MNS1: variants seen among roughly 807,000 people sequenced by gnomAD.
MNS1 encodes meiosis specific nuclear structural 1, also known as meiosis-specific nuclear structural protein 1.
A neutral mutation model predicts 72.0 loss-of-function variants in MNS1; 63 were observed. The observed-to-expected ratio is 0.87, with a 90% CI of 0.71 to 1.08. The LOEUF is 1.08. MNS1 is among the 50% of genes least tolerant of loss of function. The probability of loss-of-function intolerance (pLI) is 0.00; values close to 1 mark genes in which losing one functional copy is unlikely to be tolerated. For missense variants in MNS1, 604 were observed against 562.4 expected (o/e 1.07, Z -0.75); for synonymous variants, 188 against 172.1 (o/e 1.09, Z -0.72).
rs570076357 is a variant in MNS1, at chr15:56,433,169, C to G, written c.1269+969G>C. On this transcript the variant is annotated intron_variant, in intron 8 of 9. Transcript: ENST00000260453. The stretch of plus-strand genomic sequence containing the variant: ...CTATTTCTTTTCCTCTATACTCTTT[C>G]CTTAGGATGTCACCCAGTCACCCAT... Among the ~76,000 whole-genome samples, 4 of 150,772 alleles carry G rather than the reference C, an allele frequency of 2.7e-5. No homozygotes were observed. The South Asian group carries it at 6.4e-4, about 24-fold the overall frequency.
chr15:56,436,161 C>T (rs553108383), intron 7 of MNS1, among the ~76,000 whole-genome samples: 1 of 152,136 alleles, frequency 6.6e-6, no homozygotes, highest in African/African-American at 2.4e-5. Flanking sequence ...ACATTCTTCT[C>T]AGCACCACAC....
chr15:56,455,638 G>A (rs914968806), intron 3 of MNS1, among the ~76,000 whole-genome samples: 7 of 152,162 alleles, frequency 4.6e-5, no homozygotes, highest in African/African-American at 1.2e-4. Flanking sequence ...TGACAAGGCT[G>A]TTCCTAAAAA....
intron 7 of MNS1, among the ~76,000 whole-genome samples, chr15:56,442,949 C>G (rs192798702): frequency 1.3e-3 from 194 of 151,844 alleles, no homozygotes; most frequent in African/African-American, 4.5e-3. Context: ...GTGGATTTGC[C>G]TCTTTCTCCT....
At chr15:56,435,069 G>A (rs980771279) in intron 7 of MNS1, among the ~76,000 whole-genome samples, 9 of 151,914 alleles carry the variant, frequency 5.9e-5, no homozygotes, top group Admixed American at 2.6e-4. Flanking sequence ...GGGCCAAAGA[G>A]GGAATGCCAA....
chr15:56,443,306 T>A, intron 7 of MNS1, 124 bp downstream of exon 7: 1 of 658,130 alleles, frequency 1.5e-6, no homozygotes, highest in East Asian at 3.1e-5. Context: ...TTAACTGTAG[T>A]ATACCATTTA....
At chr15:56,436,831 G>C (rs113709429) in intron 7 of MNS1, among the ~76,000 whole-genome samples, 1 of 152,072 alleles carries the variant, frequency 6.6e-6, no homozygotes, top group East Asian at 1.9e-4. Flanking sequence ...ACACCTCTAC[G>C]CAAATAAACT....
At chr15:56,443,581 T>G in intron 6 of MNS1, 44 bp from the exon 7 acceptor site, 2 of 1,583,926 alleles carry the variant, frequency 1.3e-6, no homozygotes, top group South Asian at 2.3e-5. Context: ...AGGATCCAAA[T>G]TCTGTAACTA....
intron 3 of MNS1, among the ~76,000 whole-genome samples, chr15:56,450,394 G>A (rs1305579107): frequency 2.0e-5 from 3 of 152,026 alleles, no homozygotes; most frequent in African/African-American, 7.2e-5. Flanking sequence ...GAGAAATGCT[G>A]CACCTCTTAA....
At chr15:56,447,121 C>T in intron 3 of MNS1, 178 bp from the exon 4 acceptor site, 1 of 520,264 alleles carries the variant, frequency 1.9e-6, no homozygotes, top group Non-Finnish European at 3.4e-6. Flanking sequence ...GGCATTAGGG[C>T]TTACATTTTC....
intron 3 of MNS1, chr15:56,447,449 TG>T (rs2050914941): frequency 6.6e-6 from 1 of 151,826 alleles, no homozygotes; most frequent in African/African-American, 2.4e-5. Context: ...TCTAATTATT[TG>T]GTTTTTTAAA....
intron 9 of MNS1, chr15:56,429,931 A>G (rs1210009905): frequency 6.6e-6 from 1 of 152,188 alleles, no homozygotes; most frequent in East Asian, 1.9e-4. Context: ...CCTACAATTT[A>G]TAATTTAGTT....
In MNS1 at chr15:56,454,063, CTT is replaced by C. The variant is rs148578214; in HGVS notation, c.353+2329_353+2330del. ...GGCTTGTGCACAAAATAAAAACACT[CTT>C]AGCAATTCTGACACTGCTGAGAGGA... On this transcript the variant is annotated intron_variant, in intron 3 of 9. Transcript: ENST00000260453. Among the ~76,000 whole-genome samples, 243 of 145,326 alleles carry C rather than the reference CTT, an allele frequency of 1.7e-3. 2 individuals are homozygous for C. The highest frequency in any genetic ancestry group is 5.7e-3 in the African/African-American group (222 of 39,002).
In MNS1 at chr15:56,429,090, T is replaced by C. The variant is rs1278252711; in HGVS notation, c.*11A>G. 2 of 1,553,304 alleles carry C rather than the reference T, an allele frequency of 1.3e-6. No individual in the cohort carries two copies. Among genetic ancestry groups the C allele is most frequent in the Non-Finnish European group, 1.8e-6 (2 of 1,140,332 alleles). Reference sequence around the variant, plus strand: ...TGCAAAAAATCTATGCTTTACCCAATTTTGATGATATCATTTCTCTTCACA... The same window carrying C: ...TGCAAAAAATCTATGCTTTACCCAACTTTGATGATATCATTTCTCTTCACA... On this transcript the variant is annotated 3_prime_UTR_variant, in exon 10 of 10. Coordinates refer to ENST00000260453, the MANE Select transcript of MNS1 (RefSeq NM_018365.4).
Position 56,444,165 on chromosome 15 carries a change from A to C in MNS1, c.686+279T>G, listed in dbSNP as rs552461282. On this transcript the variant is annotated intron_variant, in intron 5 of 9. Coordinates refer to ENST00000260453, the MANE Select transcript of MNS1 (RefSeq NM_018365.4). Reference sequence around the variant, plus strand: ...CTGTCTACCAAAAAAATTTATCAGAATACCTGTCCTCTGACATATGATATG... The same window carrying C: ...CTGTCTACCAAAAAAATTTATCAGACTACCTGTCCTCTGACATATGATATG... 2.0e-5 allele frequency among the ~76,000 whole-genome samples: 3 copies of C among 152,208 alleles called. No homozygotes were observed. In the East Asian group the frequency reaches 5.8e-4, roughly 29 times the overall value.
rs188538132 is a variant in MNS1 at position 56,446,456 on chromosome 15, G to C, written c.456+385C>G. The stretch of plus-strand genomic sequence containing the variant: ...GAGATGGCTTTTATAAAACTGGAAA[G>C]TTTCCTACATAAAATTATCAAGTAG... On this transcript the variant is annotated intron_variant, in intron 4 of 9. Transcript: ENST00000260453. Among the ~76,000 whole-genome samples, 253 of 152,008 alleles carry C rather than the reference G, an allele frequency of 1.7e-3. 2 individuals are homozygous for C. The highest frequency in any genetic ancestry group is 5.9e-3 in the African/African-American group (245 of 41,496).
At chr15:56,442,501 A>T (rs555733029) in intron 7 of MNS1, among the ~76,000 whole-genome samples, 1 of 152,258 alleles carries the variant, frequency 6.6e-6, no homozygotes, top group East Asian at 1.9e-4. Context: ...ATATCCATCA[A>T]TGGTGGACTG....
intron 7 of MNS1, among the ~76,000 whole-genome samples, chr15:56,441,567 G>GT: frequency 6.6e-6 from 1 of 152,100 alleles, no homozygotes; most frequent in South Asian, 2.1e-4. Flanking sequence ...GTGGGACCTA[G>GT]TTAAACTAAA....
At chr15:56,450,702 T>A (rs11638060) in intron 3 of MNS1, among the ~76,000 whole-genome samples, 10,560 of 152,316 alleles carry the variant, frequency 0.069, 461 homozygotes, top group Non-Finnish European at 0.1. Context: ...GAAATAATGC[T>A]GCACCAAAAG....
At chr15:56,429,939 G>T (rs1310895659) in intron 9 of MNS1, 1 of 152,048 alleles carries the variant, frequency 6.6e-6, no homozygotes, top group Non-Finnish European at 1.5e-5. Context: ...TTATAATTTA[G>T]TTTATGAAAT....
Sources: gnomAD v4.1 joint callset for allele counts (sites outside exome capture counted in the v4.1 genomes callset) on GRCh38, gnomAD v4.1.1 for gene constraint, MANE v1.5 for transcripts, NCBI Gene and HGNC (gene_info 2026-07-23, HGNC 2026-07-21) for gene names.